Variants in ROBO1 observed in about 807,000 individuals in gnomAD.
The protein encoded by ROBO1 is roundabout guidance receptor 1.
In ROBO1, 149 loss-of-function variants were observed where a neutral mutation model predicts 195.9. The observed-to-expected ratio is 0.76, with a 90% CI of 0.67 to 0.87. The LOEUF is 0.87. ROBO1 is among the 40% of genes least tolerant of loss of function. The pLI is 0.00. For missense variants in ROBO1, 1,933 were observed against 2,068.3 expected, an observed-to-expected ratio of 0.93 and a Z score of 1.27; for synonymous variants, 816 against 733.2, an observed-to-expected ratio of 1.11 and a Z score of -1.82.
chr3:79,491,630 G>A (rs952337686), intron 2 of ROBO1, among the ~76,000 whole-genome samples: 1 of 152,102 alleles, frequency 6.6e-6, no homozygotes, highest in African/African-American at 2.4e-5. Context: ...TTATCTTCTA[G>A]AGTGAAAGAA....
At chr3:78,808,925 A>G (rs1309247311) in intron 4 of ROBO1, among the ~76,000 whole-genome samples, 1 of 152,192 alleles carries the variant, frequency 6.6e-6, no homozygotes, top group Non-Finnish European at 1.5e-5. Flanking sequence ...ACCATTCAGG[A>G]CATAGGCATG....
At chr3:79,765,346 T>C (rs1704926781) in intron 1 of ROBO1, among the ~76,000 whole-genome samples, 1 of 152,194 alleles carries the variant, frequency 6.6e-6, no homozygotes, top group African/African-American at 2.4e-5. Flanking sequence ...TCTTACCAAC[T>C]GGATATCTGC....
At chr3:79,422,999 A>G (rs1470402329) in intron 2 of ROBO1, among the ~76,000 whole-genome samples, 1 of 150,998 alleles carries the variant, frequency 6.6e-6, no homozygotes, top group East Asian at 2.0e-4. Context: ...AGAAAAAACC[A>G]CCTGGTTGTG....
intron 1 of ROBO1, among the ~76,000 whole-genome samples, chr3:79,740,745 C>A (rs1322617820): frequency 6.6e-6 from 1 of 152,140 alleles, no homozygotes; most frequent in Non-Finnish European, 1.5e-5. Flanking sequence ...AGAACCAAAG[C>A]ATATCAAATA....
intron 1 of ROBO1, among the ~76,000 whole-genome samples, chr3:79,755,626 G>T (rs1359038870): frequency 6.6e-6 from 1 of 152,034 alleles, no homozygotes; most frequent in Non-Finnish European, 1.5e-5. Context: ...ATGGATTAAA[G>T]AGATGTTATA....
intron 2 of ROBO1, among the ~76,000 whole-genome samples, chr3:79,540,624 T>G (rs1942029729): frequency 6.6e-6 from 1 of 152,132 alleles, no homozygotes; most frequent in African/African-American, 2.4e-5. Flanking sequence ...CCTGATATGC[T>G]TTTAACGTCT....
At chr3:78,913,011 A>AT (rs1425576659) in intron 4 of ROBO1, among the ~76,000 whole-genome samples, 12 of 152,140 alleles carry the variant, frequency 7.9e-5, no homozygotes, top group Admixed American at 7.2e-4. Flanking sequence ...AGAAGCACAG[A>AT]TTTTTTGATA....
intron 2 of ROBO1, among the ~76,000 whole-genome samples, chr3:79,336,888 G>A (rs753302591): frequency 3.3e-5 from 5 of 152,176 alleles, no homozygotes; most frequent in Non-Finnish European, 5.9e-5. Flanking sequence ...CAGTATGACC[G>A]GAATGTGAGA....
At chr3:78,881,185 T>C (rs1458214208) in intron 4 of ROBO1, among the ~76,000 whole-genome samples, 3 of 152,208 alleles carry the variant, frequency 2.0e-5, no homozygotes, top group Non-Finnish European at 4.4e-5. Flanking sequence ...TCTCTAATAG[T>C]GGGAAGAAAT....
At chr3:79,142,039 T>C (rs920528973) in intron 2 of ROBO1, among the ~76,000 whole-genome samples, 8 of 152,250 alleles carry the variant, frequency 5.3e-5, no homozygotes, top group African/African-American at 1.4e-4. Context: ...GATGATATGT[T>C]TCACTTACAA....
In ROBO1 at chr3:79,019,487, C is replaced by T. The variant is rs577858370; in HGVS notation, c.173-80560G>A. 5.1e-6 allele frequency: 5 copies of T among 986,142 alleles called. No individual in the cohort carries two copies. In the African/African-American group the frequency reaches 7.0e-5, roughly 14 times the overall value. 61.1% of individuals were successfully genotyped at this position (986,142 alleles called of 1,614,324 possible). On this transcript the variant is annotated intron_variant, in intron 3 of 30. Transcript: ENST00000464233. Reference sequence around the variant, plus strand: ...TTGTGGGTTTCCCCCACAGTCCCCGCGGCTCCCAGTTCCCTCCCTCTCCTC... The same window carrying T: ...TTGTGGGTTTCCCCCACAGTCCCCGTGGCTCCCAGTTCCCTCCCTCTCCTC...
intron 2 of ROBO1, among the ~76,000 whole-genome samples, chr3:79,235,992 T>A (rs2108865023): frequency 6.6e-6 from 1 of 152,230 alleles, no homozygotes; most frequent in African/African-American, 2.4e-5. Context: ...CGTCCCTTTC[T>A]CACAGAGAAG....
intron 4 of ROBO1, among the ~76,000 whole-genome samples, chr3:78,763,002 T>C (rs1263528926): frequency 2.0e-5 from 3 of 152,110 alleles, no homozygotes; most frequent in Non-Finnish European, 4.4e-5. Context: ...CCATACCACA[T>C]GATGTGACAC....
intron 3 of ROBO1, among the ~76,000 whole-genome samples, chr3:79,112,972 C>T (rs1246988789): frequency 6.6e-6 from 1 of 151,728 alleles, no homozygotes; most frequent in African/African-American, 2.4e-5. Context: ...AAAGACCTAA[C>T]TTGATTCATA....
chr3:78,714,639 A>G, intron 7 of ROBO1, 115 bp from the exon 8 acceptor site: 3 of 966,244 alleles, frequency 3.1e-6, no homozygotes, highest in Non-Finnish European at 2.9e-6. Context: ...AACTTAAAAC[A>G]AAGAGTAAAA....
intron 3 of ROBO1, among the ~76,000 whole-genome samples, chr3:79,050,795 G>A (rs550392361): frequency 3.9e-5 from 6 of 152,236 alleles, no homozygotes; most frequent in African/African-American, 1.4e-4. Context: ...AGAACAACCT[G>A]CTCCTCAATG....
At chr3:79,279,862 T>C (rs976970544) in intron 2 of ROBO1, among the ~76,000 whole-genome samples, 1 of 151,620 alleles carries the variant, frequency 6.6e-6, no homozygotes, top group Non-Finnish European at 1.5e-5. Context: ...AAATGATGAA[T>C]GAATAATGAA....
At chr3:79,479,391 T>G (rs191534351) in intron 2 of ROBO1, among the ~76,000 whole-genome samples, 1 of 152,312 alleles carries the variant, frequency 6.6e-6, no homozygotes, top group East Asian at 1.9e-4. Context: ...GAAAATTGAA[T>G]GTCCCGCCTT....
intron 4 of ROBO1, among the ~76,000 whole-genome samples, chr3:78,878,293 T>G (rs1285683800): frequency 6.6e-6 from 1 of 152,042 alleles, no homozygotes; most frequent in Non-Finnish European, 1.5e-5. Flanking sequence ...TGTGTAATTT[T>G]AAAATACTGC....
Sources: gnomAD v4.1 joint callset for allele counts (sites outside exome capture counted in the v4.1 genomes callset) on GRCh38, gnomAD v4.1.1 for gene constraint, MANE v1.5 for transcripts, NCBI Gene and HGNC (gene_info 2026-07-23, HGNC 2026-07-21) for gene names.